Variants in ACAP2 observed in about 807,000 individuals in gnomAD.
ACAP2 encodes the protein arf-GAP with coiled-coil, ANK repeat and PH domain-containing protein 2.
A neutral mutation model predicts 115.8 loss-of-function variants in ACAP2; 39 were observed. The observed-to-expected ratio is 0.34, with a 90% CI of 0.26 to 0.44. The LOEUF is 0.44. Ranked by LOEUF, ACAP2 falls within the 20% of genes least tolerant of loss-of-function variation. The pLI is 1.00. For synonymous variants in ACAP2, 289 were observed against 315.8 expected (o/e 0.92, Z 0.90); for missense variants, 662 against 927.6 (o/e 0.71, Z 3.72).
chr3:195,342,170 A>G (rs1730921864), intron 6 of ACAP2, among the ~76,000 whole-genome samples: 1 of 152,228 alleles, frequency 6.6e-6, no homozygotes, highest in Admixed American at 6.5e-5. Flanking sequence ...AATAAAAGAT[A>G]GTTAAATTGA....
chr3:195,307,203 G>T lies in ACAP2; in HGVS notation c.1010+20C>A, dbSNP rs777595780. On this transcript the variant is annotated intron_variant, in intron 12 of 22. Transcript: ENST00000326793. ...TATAAAAACATAAAAGCAAATCACA[G>T]ATCCTTTAGAACCACTTACTTTGTT... 3 of 1,584,514 alleles carry T rather than the reference G, an allele frequency of 1.9e-6. No individual in the cohort carries two copies. The highest frequency in any genetic ancestry group is 2.6e-6 in the Non-Finnish European group (3 of 1,158,158).
chr3:195,382,039 A>T lies in ACAP2; in HGVS notation c.112-17T>A. 1.9e-6 allele frequency: 3 copies of T among 1,601,390 alleles called. No individual in the cohort carries two copies. Among genetic ancestry groups the T allele is most frequent in the Non-Finnish European group, 2.6e-6 (3 of 1,175,708 alleles). On this transcript the variant is annotated splice_polypyrimidine_tract_variant and intron_variant, in intron 2 of 22. Coordinates refer to ENST00000326793, the MANE Select transcript of ACAP2 (RefSeq NM_012287.6). ...TTTCACAAGCTGAAAAAGAAAAAAA[A>T]AATTCATCAGGTTGAAGATAGTTTT...
intron 1 of ACAP2, among the ~76,000 whole-genome samples, chr3:195,417,010 G>C (rs375394471): frequency 6.7e-6 from 1 of 150,156 alleles, no homozygotes. Flanking sequence ...CAACTCCTGT[G>C]CTCAAGCAAT....
intron 3 of ACAP2, 127 bp from the exon 4 acceptor site, chr3:195,381,189 T>C (rs920682080): frequency 8.7e-6 from 6 of 686,112 alleles, no homozygotes; most frequent in African/African-American, 1.8e-5. Flanking sequence ...TTATTTCCAA[T>C]GACAATCTCA....
chr3:195,375,999 T>C (rs1733502339), intron 4 of ACAP2, among the ~76,000 whole-genome samples: 1 of 152,202 alleles, frequency 6.6e-6, no homozygotes, highest in Non-Finnish European at 1.5e-5. Context: ...TCTTAAATTC[T>C]AGGAAAATAA....
chr3:195,349,016 T>C (rs1731365012), intron 4 of ACAP2, among the ~76,000 whole-genome samples: 1 of 152,110 alleles, frequency 6.6e-6, no homozygotes, highest in South Asian at 2.1e-4. Flanking sequence ...TATAAAATTG[T>C]CTTTATCCAC....
chr3:195,433,865 T>G lies in ACAP2; in HGVS notation c.53+8930A>C, dbSNP rs1028462358. 2.6e-5 allele frequency among the ~76,000 whole-genome samples: 4 copies of G among 152,210 alleles called. No individual in the cohort carries two copies. In the East Asian group the frequency reaches 7.7e-4, roughly 29 times the overall value. On this transcript the variant is annotated intron_variant, in intron 1 of 22. Transcript: ENST00000326793. ...AGTTTGCTAGTACTTTCGTCAAAGA[T>G]TTTTGTATCTGCATTCATAAGGAAT...
chr3:195,374,828 T>C (rs1733412369), intron 4 of ACAP2, among the ~76,000 whole-genome samples: 1 of 151,900 alleles, frequency 6.6e-6, no homozygotes, highest in Non-Finnish European at 1.5e-5. Flanking sequence ...CATTCTCCTG[T>C]CTCAGCATCC....
chr3:195,292,233 G>A (rs751716710), intron 19 of ACAP2, 32 bp downstream of exon 19: 2 of 1,521,378 alleles, frequency 1.3e-6, no homozygotes, highest in African/African-American at 2.8e-5. Context: ...ATATTTGATT[G>A]CTACTGAAAA....
chr3:195,304,163 C>CAAAAAAAAAAA (rs56055597), intron 13 of ACAP2, among the ~76,000 whole-genome samples: 1 of 63,274 alleles, frequency 1.6e-5, no homozygotes, highest in African/African-American at 7.2e-5. Flanking sequence ...GACTCCATCT[C>CAAAAAAAAAAA]AAAAAAAAAA....
chr3:195,371,998 T>C lies in ACAP2; in HGVS notation c.285+9011A>G, dbSNP rs115990026. 5.3e-3 allele frequency among the ~76,000 whole-genome samples: 802 copies of C among 152,268 alleles called. 3 individuals carry two copies. Among genetic ancestry groups the C allele is most frequent in the Non-Finnish European group, 9.2e-3 (627 of 68,020 alleles). On this transcript the variant is annotated intron_variant, in intron 4 of 22. Coordinates refer to ENST00000326793, the MANE Select transcript of ACAP2 (RefSeq NM_012287.6). The stretch of plus-strand genomic sequence containing the variant: ...TTATAATCTTTCAATAAAATTTACA[T>C]TGAAACATTTTAAGAAAGCAGAATT...
At position 195,294,810 on chromosome 3, in the gene ACAP2, G is replaced by T; in HGVS notation, c.1674C>A (p.Val558=). The change falls in exon 18 of 23, where the codon GTC becomes GTA. Residue 558 remains valine, a splice_region_variant and synonymous_variant. Coordinates refer to ENST00000326793, the MANE Select transcript of ACAP2 (RefSeq NM_012287.6). ...DQVRASAQSS[V]RSNDSGIQQS... is the part of the protein sequence containing the mutation. ...GCTGAATTCCACTGTCATTACTTCT[G>T]ACTGTTTTAAAGAAAAATTAACTAA... The T allele has an allele frequency of 1.3e-6, 2 of 1,585,400 alleles. No individual in the cohort carries two copies. Among genetic ancestry groups the T allele is most frequent in the South Asian group, 2.2e-5 (2 of 90,192 alleles).
intron 6 of ACAP2, among the ~76,000 whole-genome samples, 164 bp downstream of exon 6, chr3:195,342,307 C>A (rs1432316473): frequency 6.6e-6 from 1 of 152,158 alleles, no homozygotes; most frequent in African/African-American, 2.4e-5. Context: ...CATACACACA[C>A]AGGTACACTA....
At position 195,442,969 on chromosome 3, in the gene ACAP2, G is replaced by C; in HGVS notation, c.-122C>G. On this transcript the variant is annotated 5_prime_UTR_variant, in exon 1 of 23. Transcript: ENST00000326793. Reference sequence around the variant, plus strand: ...ACTAGCGTTGCGCGGAGCTGCGAAGGGCGCCTCGCCCGCTGGTCATAGCAG... The same window carrying C: ...ACTAGCGTTGCGCGGAGCTGCGAAGCGCGCCTCGCCCGCTGGTCATAGCAG... The C allele has an allele frequency of 1.1e-6, 1 of 880,622 alleles. No homozygotes were observed. The highest frequency in any genetic ancestry group is 1.6e-6 in the Non-Finnish European group (1 of 618,472). The allele number at this position is 880,622 out of a possible 1,614,324, so 54.6% of individuals were successfully genotyped here.
chr3:195,290,589 T>C (rs2108919649), intron 20 of ACAP2, among the ~76,000 whole-genome samples: 1 of 151,912 alleles, frequency 6.6e-6, no homozygotes, highest in South Asian at 2.1e-4. Flanking sequence ...GGCAGGTGGA[T>C]CACCTGAGGT....
At chr3:195,294,496 T>A (rs1437115570) in intron 18 of ACAP2, among the ~76,000 whole-genome samples, 2 of 148,526 alleles carry the variant, frequency 1.3e-5, no homozygotes, top group Non-Finnish European at 3.0e-5. Flanking sequence ...GAGAATCACT[T>A]GAAACTGGAA....
intron 1 of ACAP2, among the ~76,000 whole-genome samples, chr3:195,430,608 G>A (rs1352514778): frequency 2.6e-5 from 4 of 152,056 alleles, no homozygotes; most frequent in Admixed American, 1.3e-4. Flanking sequence ...CCAGCTACTC[G>A]GGAGGCTGAG....
chr3:195,295,640 T>A, intron 17 of ACAP2, 68 bp downstream of exon 17: 4 of 1,554,450 alleles, frequency 2.6e-6, no homozygotes, highest in Non-Finnish European at 2.6e-6. Context: ...GGCTATTAGT[T>A]CAGGGATTAT....
At chr3:195,281,712 C>T (rs980418842) in intron 22 of ACAP2, among the ~76,000 whole-genome samples, 1 of 152,202 alleles carries the variant, frequency 6.6e-6, no homozygotes, top group Admixed American at 6.5e-5. Context: ...TAAAAGTTCA[C>T]TTCCACATCA....
Sources: allele counts gnomAD v4.1 joint callset (sites outside exome capture counted in the v4.1 genomes callset), GRCh38; gene constraint gnomAD v4.1.1; transcripts MANE v1.5; gene names NCBI Gene and HGNC (gene_info 2026-07-23, HGNC 2026-07-21).